The following CNMD variants were observed in gnomAD, a reference collection of about 807,000 sequenced individuals.
CNMD encodes leukocyte cell-derived chemotaxin 1.
CNMD carries 30 observed loss-of-function variants against 37.5 expected under a neutral mutation model. The observed-to-expected ratio is 0.80, with a 90% CI of 0.60 to 1.09. The LOEUF is 1.09. Ranked by LOEUF, CNMD falls within the 50% of genes least tolerant of loss-of-function variation. The pLI is 0.00. For synonymous variants in CNMD, 167 were observed against 148.2 expected, an observed-to-expected ratio of 1.13 and a Z score of -0.92; for missense variants, 398 against 423.9, an observed-to-expected ratio of 0.94 and a Z score of 0.54.
chr13:52,717,518 T>G (rs1412207600), intron 4 of CNMD, among the ~76,000 whole-genome samples: 1 of 152,224 alleles, frequency 6.6e-6, no homozygotes, highest in Non-Finnish European at 1.5e-5. Context: ...ATATGTTCCA[T>G]CAATACCTAG....
At chr13:52,708,726 T>C in intron 5 of CNMD, 24 bp from the exon 6 acceptor site, 4 of 1,544,180 alleles carry the variant, frequency 2.6e-6, no homozygotes, top group Non-Finnish European at 3.5e-6. Flanking sequence ...TGTAAATTAA[T>C]CCCTTTATTT....
intron 3 of CNMD, among the ~76,000 whole-genome samples, chr13:52,726,166 G>T (rs763368317): frequency 7.2e-5 from 11 of 152,218 alleles, no homozygotes; most frequent in Non-Finnish European, 1.6e-4. Flanking sequence ...GAGGGTTTAA[G>T]AACACAGACG....
At chr13:52,738,316 T>C (rs897284011) in intron 2 of CNMD, among the ~76,000 whole-genome samples, 1 of 152,192 alleles carries the variant, frequency 6.6e-6, no homozygotes, top group South Asian at 2.1e-4. Flanking sequence ...TTAGAAACAG[T>C]CTTTATACTC....
At chr13:52,732,783 G>C (rs1384264847) in intron 3 of CNMD, among the ~76,000 whole-genome samples, 1 of 152,136 alleles carries the variant, frequency 6.6e-6, no homozygotes, top group African/African-American at 2.4e-5. Context: ...GCTCCTTCAA[G>C]TCTTTCTGCC....
intron 6 of CNMD, among the ~76,000 whole-genome samples, chr13:52,706,603 T>C (rs1964178132): frequency 6.6e-6 from 1 of 152,240 alleles, no homozygotes; most frequent in Admixed American, 6.5e-5. Context: ...TACATTTATG[T>C]ATACAATGAG....
At chr13:52,709,765 G>A (rs2408659) in intron 5 of CNMD, among the ~76,000 whole-genome samples, 143,520 of 152,222 alleles carry the variant, frequency 0.94, 67,682 homozygotes, top group East Asian at 0.99. Flanking sequence ...TTGAGGTCAG[G>A]AGTTCGAGAC....
At position 52,739,806 on chromosome 13, in the gene CNMD, T is replaced by C. The variant is rs2138291796; in HGVS notation, c.-105A>G. 1 of 968,318 alleles carries C rather than the reference T, an allele frequency of 1.0e-6. No homozygotes were observed. Among genetic ancestry groups the C allele is most frequent in the South Asian group, 1.5e-5 (1 of 68,282 alleles). The allele number at this position is 968,318 out of a possible 1,614,324, so 60.0% of individuals were successfully genotyped here. A position where few individuals can be genotyped will look rare whatever the true frequency, so the allele number is the denominator to read the frequency against. ...ATTTCAACGCCGCGCGCACACACGG[T>C]GCACGGTCCCGCCTGGGCCAGCCCA... On this transcript the variant is annotated 5_prime_UTR_variant, in exon 1 of 7. Coordinates refer to ENST00000377962, the MANE Select transcript of CNMD (RefSeq NM_007015.3). The surrounding 1 kb of genome is among the most constrained non-coding windows in gnomAD (Gnocchi z 5.4).
chr13:52,724,667 C>T (rs903819182), intron 3 of CNMD, among the ~76,000 whole-genome samples: 21 of 152,080 alleles, frequency 1.4e-4, no homozygotes, highest in Admixed American at 8.5e-4. Flanking sequence ...GAGGCCGACG[C>T]GGGCAGATCA....
chr13:52,728,389 AAAT>A (rs1207413928), intron 3 of CNMD, among the ~76,000 whole-genome samples: 1 of 151,018 alleles, frequency 6.6e-6, no homozygotes, highest in African/African-American at 2.4e-5. Context: ...AAAAAAAAAA[AAAT>A]TCACTTGGAG....
intron 2 of CNMD, among the ~76,000 whole-genome samples, chr13:52,735,168 C>G (rs1307079715): frequency 6.6e-6 from 1 of 152,148 alleles, no homozygotes; most frequent in Non-Finnish European, 1.5e-5. Context: ...TCAGGTGGCC[C>G]TTATGATCAG....
intron 4 of CNMD, among the ~76,000 whole-genome samples, chr13:52,715,483 T>A (rs551279989): frequency 1.3e-5 from 2 of 152,318 alleles, no homozygotes; most frequent in African/African-American, 4.8e-5. Context: ...ATATTTCTCT[T>A]AATGCTATTC....
At chr13:52,737,479 T>C (rs969599874) in intron 2 of CNMD, among the ~76,000 whole-genome samples, 4 of 152,190 alleles carry the variant, frequency 2.6e-5, no homozygotes, top group South Asian at 2.1e-4. Flanking sequence ...AAGTAAAATA[T>C]ATGAAAAAAG....
rs1484147595 is a variant in CNMD at position 52,703,745 on chromosome 13, T to C, written c.855A>G (p.Glu285=). The C allele has an allele frequency of 1.2e-6, 2 of 1,614,190 alleles. No homozygotes were observed. The highest frequency in any genetic ancestry group is 1.7e-6 in the Non-Finnish European group (2 of 1,180,028). The part of the protein sequence containing the change: ...RLDHEGICCI[E]CRRSYTHCQK... ...GGCAGTGGGTGTAGCTCCGCCTACA[T>C]TCTATACAACAGATTCCTTCGTGAT... The change falls in exon 7 of 7, where the codon GAA becomes GAG. Residue 285 remains glutamate (E), a synonymous_variant. Coordinates refer to ENST00000377962, the MANE Select transcript of CNMD (RefSeq NM_007015.3).
chr13:52,736,011 T>TAGTA, intron 2 of CNMD, among the ~76,000 whole-genome samples: 1 of 151,132 alleles, frequency 6.6e-6, no homozygotes, highest in Non-Finnish European at 1.5e-5. Flanking sequence ...TTTTTTTTTT[T>TAGTA]GAGACGGAGT....
intron 3 of CNMD, among the ~76,000 whole-genome samples, chr13:52,730,269 G>C (rs983582174): frequency 6.6e-6 from 1 of 152,016 alleles, no homozygotes; most frequent in African/African-American, 2.4e-5. Flanking sequence ...CGTGAATAGT[G>C]CTGCCATAAA....
At chr13:52,715,193 T>C (rs959100439) in intron 4 of CNMD, among the ~76,000 whole-genome samples, 2 of 152,130 alleles carry the variant, frequency 1.3e-5, no homozygotes, top group Non-Finnish European at 2.9e-5. Flanking sequence ...TTTACTACAG[T>C]CTCCCTGCTG....
chr13:52,706,619 A>G (rs1964178635), intron 6 of CNMD, among the ~76,000 whole-genome samples: 2 of 152,220 alleles, frequency 1.3e-5, no homozygotes, highest in Admixed American at 1.3e-4. Flanking sequence ...ATGAGTTACT[A>G]TTAAATGAAT....
At chr13:52,738,839 C>T (rs1473382432) in intron 2 of CNMD, among the ~76,000 whole-genome samples, 192 bp downstream of exon 2, 2 of 152,216 alleles carry the variant, frequency 1.3e-5, no homozygotes, top group East Asian at 3.9e-4. Context: ...CCCGTGAAAC[C>T]TTCACTTGCT....
At chr13:52,706,617 C>T (rs897953454) in intron 6 of CNMD, among the ~76,000 whole-genome samples, 2 of 152,034 alleles carry the variant, frequency 1.3e-5, no homozygotes, top group Non-Finnish European at 2.9e-5. Flanking sequence ...CAATGAGTTA[C>T]TATTAAATGA....
Sources: gnomAD v4.1 joint callset for allele counts (sites outside exome capture counted in the v4.1 genomes callset) on GRCh38, gnomAD v4.1.1 for gene constraint, Gnocchi (gnomAD v3.1) non-coding constraint, MANE v1.5 for transcripts, NCBI Gene and HGNC (gene_info 2026-07-23, HGNC 2026-07-21) for gene names.